Variants in PITPNA observed in about 807,000 individuals in gnomAD.
PITPNA encodes phosphatidylinositol transfer protein alpha isoform.
PITPNA carries 13 observed loss-of-function variants against 50.3 expected under a neutral mutation model. The observed-to-expected ratio is 0.26, with a 90% CI of 0.17 to 0.41. The LOEUF is 0.41. PITPNA is among the 10% of genes least tolerant of loss of function. The probability of loss-of-function intolerance (pLI) is 1.00; values close to 1 mark genes in which losing one functional copy is unlikely to be tolerated. For synonymous variants in PITPNA, 120 were observed against 119.6 expected (o/e 1.00, Z -0.02); for missense variants, 207 against 333.4 (o/e 0.62, Z 2.95).
At chr17:1,554,414 TTTTA>T (rs2075725161) in intron 2 of PITPNA, among the ~76,000 whole-genome samples, 1 of 146,450 alleles carries the variant, frequency 6.8e-6, no homozygotes, top group Non-Finnish European at 1.5e-5. Flanking sequence ...TTTTTTTTTT[TTTTA>T]GACAGAGATC....
intron 6 of PITPNA, among the ~76,000 whole-genome samples, chr17:1,539,240 C>A (rs2075635075): frequency 6.6e-6 from 1 of 152,092 alleles, no homozygotes; most frequent in African/African-American, 2.4e-5. Context: ...CTGCCTCAGG[C>A]TCCTAGTGAT....
intron 4 of PITPNA, among the ~76,000 whole-genome samples, chr17:1,544,022 C>T (rs1275528208): frequency 2.0e-5 from 3 of 152,206 alleles, no homozygotes; most frequent in South Asian, 2.1e-4. Flanking sequence ...TCTCTGGCAG[C>T]GCCATCCCTG....
At chr17:1,545,158 C>T (rs1452199665) in intron 4 of PITPNA, among the ~76,000 whole-genome samples, 1 of 152,202 alleles carries the variant, frequency 6.6e-6, no homozygotes, top group East Asian at 1.9e-4. Flanking sequence ...CCTCTCCTCA[C>T]TTCCAGCCCA....
intron 10 of PITPNA, among the ~76,000 whole-genome samples, chr17:1,521,916 G>T (rs974464205): frequency 6.7e-6 from 1 of 149,394 alleles, no homozygotes; most frequent in East Asian, 2.0e-4. Context: ...TGTGTGGGGG[G>T]GTCTTCCTAT....
chr17:1,552,954 T>TCACA, intron 3 of PITPNA, 50 bp downstream of exon 3: 1 of 1,582,050 alleles, frequency 6.3e-7, no homozygotes, highest in Non-Finnish European at 8.7e-7. Flanking sequence ...TAACACTCAT[T>TCACA]CACACACACA....
intron 5 of PITPNA, 116 bp from the exon 6 acceptor site, chr17:1,541,756 C>T: frequency 1.3e-6 from 1 of 745,762 alleles, no homozygotes; most frequent in Non-Finnish European, 2.4e-6. Flanking sequence ...ATTCCAGCCT[C>T]TGCCTTGTAA....
At chr17:1,558,251 G>C (rs2075748546) in intron 2 of PITPNA, among the ~76,000 whole-genome samples, 1 of 142,742 alleles carries the variant, frequency 7.0e-6, no homozygotes, top group Non-Finnish European at 1.5e-5. Context: ...AAAAAAAAGG[G>C]TCCCCAGACA....
chr17:1,536,814 A>G (rs2075620613), intron 7 of PITPNA, among the ~76,000 whole-genome samples: 1 of 150,754 alleles, frequency 6.6e-6, no homozygotes, highest in African/African-American at 2.4e-5. Flanking sequence ...GCTGGTCTCA[A>G]GCTCCTGACC....
chr17:1,543,645 C>T (rs572664715), intron 4 of PITPNA, among the ~76,000 whole-genome samples: 1 of 152,284 alleles, frequency 6.6e-6, no homozygotes, highest in Non-Finnish European at 1.5e-5. Context: ...GGACCTATGT[C>T]CACTTCTGCT....
chr17:1,528,124 C>T (rs1222928046), intron 10 of PITPNA, among the ~76,000 whole-genome samples: 1 of 152,084 alleles, frequency 6.6e-6, no homozygotes, highest in Non-Finnish European at 1.5e-5. Flanking sequence ...CCAAGCGTTT[C>T]AGGCTGCCAT....
At chr17:1,541,112 G>GGATGGTCTTACATTGTTTTT (rs2075645895) in intron 6 of PITPNA, among the ~76,000 whole-genome samples, 1 of 152,118 alleles carries the variant, frequency 6.6e-6, no homozygotes, top group Non-Finnish European at 1.5e-5. Flanking sequence ...ATGTTGCCCA[G>GGATGGTCTTACATTGTTTTT]GATGGTCTTA....
At chr17:1,530,357 GAGAA>G (rs1183830390) in intron 10 of PITPNA, among the ~76,000 whole-genome samples, 1 of 147,412 alleles carries the variant, frequency 6.8e-6, no homozygotes, top group Non-Finnish European at 1.5e-5. Flanking sequence ...GCAAGTTGGG[GAGAA>G]AGAGAGAGAC....
In PITPNA at chr17:1,534,227, G is replaced by C. The variant is rs1363516559; in HGVS notation, c.646-6C>G. The C allele has an allele frequency of 6.2e-7, 1 of 1,613,638 alleles. No individual in the cohort carries two copies. The highest frequency in any genetic ancestry group is 8.5e-7 in the Non-Finnish European group (1 of 1,179,730). On this transcript the variant is annotated splice_region_variant and splice_polypyrimidine_tract_variant and intron_variant, in intron 9 of 11. Transcript: ENST00000313486. The stretch of plus-strand genomic sequence containing the variant: ...GTAAACAGACGCCTCTCTTGCTATA[G>C]AAAGGAGGGAACCACGTTAGAACGC...
At position 1,535,248 on chromosome 17, in the gene PITPNA, G is replaced by A. The variant is rs1176770770; in HGVS notation, c.579C>T (p.Tyr193=). 1 of 1,613,864 alleles carries A rather than the reference G, an allele frequency of 6.2e-7. No homozygotes were observed. The change falls in exon 9 of 12, where the codon TAC becomes TAT. Residue 193 remains tyrosine, a synonymous_variant. Coordinates refer to ENST00000313486, the MANE Select transcript of PITPNA (RefSeq NM_006224.4). ...NQKDCPYMCA[Y]KLVTVKFKWW... is the part of the protein sequence containing the mutation. Reference sequence around the variant, plus strand: ...ACTTGAACTTGACGGTCACCAGTTTGTATGCACACATATATGGGCAGTCCT... The same window carrying A: ...ACTTGAACTTGACGGTCACCAGTTTATATGCACACATATATGGGCAGTCCT...
intron 10 of PITPNA, among the ~76,000 whole-genome samples, chr17:1,531,817 A>G (rs17220777): frequency 0.1 from 15,754 of 152,234 alleles, 922 homozygotes; most frequent in East Asian, 0.14. Flanking sequence ...ACTACAAAAT[A>G]TAACTTTGAT....
chr17:1,560,759 A>C (rs1055704053), intron 1 of PITPNA, among the ~76,000 whole-genome samples: 1 of 152,202 alleles, frequency 6.6e-6, no homozygotes, highest in African/African-American at 2.4e-5. Context: ...GGCATCGTAA[A>C]GTTCTTCCTC....
rs1369967936 is a variant in PITPNA at position 1,518,167 on chromosome 17, G to A, written c.*2394C>T. On this transcript the variant is annotated 3_prime_UTR_variant, in exon 12 of 12. Coordinates refer to ENST00000313486, the MANE Select transcript of PITPNA (RefSeq NM_006224.4). ...CAAAGTAAGTCAGGGAGTCCCAGCA[G>A]GGACTGTAAAAGAACTTGGGAAGCT... 6.6e-6 allele frequency: 1 copy of A among 152,508 alleles called. No homozygotes were observed. The highest frequency in any genetic ancestry group is 1.5e-5 in the Non-Finnish European group (1 of 68,048). 9.4% of individuals were successfully genotyped at this position (152,508 alleles called of 1,614,324 possible).
intron 3 of PITPNA, among the ~76,000 whole-genome samples, chr17:1,550,865 GC>G (rs1290026050): frequency 6.6e-6 from 1 of 152,232 alleles, no homozygotes; most frequent in Admixed American, 6.5e-5. Context: ...TTGAAGCGGT[GC>G]GGAGAACTGA....
rs183764382 is a variant in PITPNA at position 1,534,278 on chromosome 17, C to T, written c.646-57G>A. On this transcript the variant is annotated intron_variant, in intron 9 of 11. Coordinates refer to ENST00000313486, the MANE Select transcript of PITPNA (RefSeq NM_006224.4). ...AGAAGGCAAAGGCTGCTGCCACAGCCCTTCTCTCCATGCACTCCACACGAA... is the reference window on the plus strand; with the variant it reads ...AGAAGGCAAAGGCTGCTGCCACAGCTCTTCTCTCCATGCACTCCACACGAA... The T allele has an allele frequency of 1.7e-3, 2,668 of 1,608,994 alleles. 7 individuals are homozygous for T. Among genetic ancestry groups the T allele is most frequent in the Non-Finnish European group, 1.7e-3 (1,944 of 1,176,856 alleles).
Sources: allele counts gnomAD v4.1 joint callset (sites outside exome capture counted in the v4.1 genomes callset), GRCh38; gene constraint gnomAD v4.1.1; transcripts MANE v1.5; gene names NCBI Gene and HGNC (gene_info 2026-07-23, HGNC 2026-07-21).